The following GTPBP1 variants were observed in gnomAD, a reference collection of about 807,000 sequenced individuals.
GTPBP1 encodes GTP-binding protein 1.
GTPBP1 carries 23 observed loss-of-function variants against 62.0 expected under a neutral mutation model. The ratio of observed to expected loss-of-function variants is 0.37; its 90% CI spans 0.27 to 0.53. The LOEUF (loss-of-function observed/expected upper bound fraction) is 0.53, where lower values mean the gene tolerates loss of function less well. GTPBP1 is among the 20% of genes least tolerant of loss of function. GTPBP1 has a pLI of 0.89. For synonymous variants in GTPBP1, 344 were observed against 364.4 expected (o/e 0.94, Z 0.64); for missense variants, 640 against 917.3 (o/e 0.70, Z 3.90).
rs752276811 is a variant in GTPBP1 at position 38,729,565 on chromosome 22, C to T, written c.1820C>T (p.Pro607Leu). 25 of 1,599,032 alleles carry T rather than the reference C, an allele frequency of 1.6e-5. No homozygotes were observed. Among genetic ancestry groups the T allele is most frequent in the East Asian group, 2.3e-5 (1 of 43,820 alleles). The change falls in exon 11 of 12, where the codon CCG becomes CTG. Residue 607 changes from proline (P) to leucine (L), a missense_variant. Physicochemically the swap from Pro to Leu is moderately conservative, Grantham distance 98 (BLOSUM62 -3). Around this residue, in one of 4 missense-constraint regions of GTPBP1, gnomAD observed 117 missense variants for 107.1 expected, o/e 1.09. Coordinates refer to ENST00000216044, the MANE Select transcript of GTPBP1 (RefSeq NM_004286.5). ...CTGACGAAACGAGACGAGGGGGGCC[C>T]GTCTGGTGGGCCAGCAGTAGGAGCA... ...GPLTKRDEGG[P>L]SGGPAVGAPP...
chr22:38,735,031 A>G, downstream of GTPBP1: 1 of 298,314 alleles, frequency 3.4e-6, no homozygotes, highest in South Asian at 2.7e-5. Flanking sequence ...CAAGAAACTG[A>G]GTATCACCCA....
downstream of GTPBP1, chr22:38,739,378 G>A (rs754873310): frequency 4.0e-5 from 65 of 1,613,026 alleles, no homozygotes; most frequent in South Asian, 3.3e-5. This position sits in a 1 kb window ranked among gnomAD's most constrained non-coding sequence, Gnocchi z 6.7. Flanking sequence ...AGCCCGATGC[G>A]GTCCTCACTG....
intron 2 of GTPBP1, among the ~76,000 whole-genome samples, chr22:38,709,343 T>A (rs1032371167): frequency 2.0e-5 from 3 of 152,200 alleles, no homozygotes; most frequent in Admixed American, 1.3e-4. Flanking sequence ...TTTTGAACTT[T>A]TCTGCTTATG....
At chr22:38,739,810 G>C, downstream of GTPBP1, 4 of 1,613,624 alleles carry the variant, frequency 2.5e-6, no homozygotes, top group Non-Finnish European at 3.4e-6. The surrounding 1 kb of genome is among the most constrained non-coding windows in gnomAD (Gnocchi z 6.7). Context: ...CTGCATCTCT[G>C]CCACATGGGT....
At chr22:38,722,891 T>C in intron 5 of GTPBP1, 1 of 1,294,134 alleles carries the variant, frequency 7.7e-7, no homozygotes, top group South Asian at 1.2e-5. Flanking sequence ...CTTCCACGCT[T>C]CGGCCCACTG....
At chr22:38,729,427 G>C (rs747908948) in intron 10 of GTPBP1, 35 bp from the exon 11 acceptor site, 1 of 1,525,666 alleles carries the variant, frequency 6.6e-7, no homozygotes, top group Non-Finnish European at 8.9e-7. Flanking sequence ...CTGCCCCGCA[G>C]CTCCAGCCTC....
At chr22:38,742,586 AG>A, downstream of GTPBP1, 1 of 1,589,468 alleles carries the variant, frequency 6.3e-7, no homozygotes. Flanking sequence ...CCACGGAGTG[AG>A]GGACCCTTGG....
At chr22:38,710,637 T>G (rs1448278896) in intron 2 of GTPBP1, among the ~76,000 whole-genome samples, 1 of 152,048 alleles carries the variant, frequency 6.6e-6, no homozygotes, top group Non-Finnish European at 1.5e-5. Context: ...AAACATTCCA[T>G]TTGTTGACTA....
downstream of GTPBP1, chr22:38,739,646 G>A (rs2092837101): frequency 6.6e-7 from 1 of 1,516,762 alleles, no homozygotes; most frequent in Non-Finnish European, 9.0e-7. This position sits in a 1 kb window ranked among gnomAD's most constrained non-coding sequence, Gnocchi z 6.7. Context: ...CAGGGAGCTG[G>A]CAGTGTGGGA....
chr22:38,741,131 C>G (rs778372584), downstream of GTPBP1: 12 of 1,484,614 alleles, frequency 8.1e-6, no homozygotes, highest in Admixed American at 3.9e-5. Flanking sequence ...TGTCTGTTAG[C>G]GTCTTTGCTT....
downstream of GTPBP1, chr22:38,738,019 A>T: frequency 1.3e-6 from 1 of 753,010 alleles, no homozygotes; most frequent in Non-Finnish European, 2.4e-6. The surrounding 1 kb of genome is among the most constrained non-coding windows in gnomAD (Gnocchi z 6.6). Context: ...GATGCGTGTT[A>T]CACCCCATTT....
intron 2 of GTPBP1, among the ~76,000 whole-genome samples, chr22:38,709,472 T>C (rs964051628): frequency 6.6e-6 from 1 of 152,200 alleles, no homozygotes; most frequent in African/African-American, 2.4e-5. Context: ...CAAGCAGTTT[T>C]ACAGATGCTT....
intron 1 of GTPBP1, among the ~76,000 whole-genome samples, chr22:38,708,452 T>C (rs1367618046): frequency 6.6e-6 from 1 of 152,092 alleles, no homozygotes; most frequent in Non-Finnish European, 1.5e-5. Context: ...GTATATGAGG[T>C]ATATGTCTTG....
chr22:38,717,502 A>T (rs1448603417), intron 4 of GTPBP1, among the ~76,000 whole-genome samples: 1 of 152,132 alleles, frequency 6.6e-6, no homozygotes, highest in African/African-American at 2.4e-5. Context: ...GCCCTTGTTG[A>T]GAGGCTCCTG....
downstream of GTPBP1, chr22:38,735,386 C>A: frequency 1.4e-5 from 5 of 369,754 alleles, no homozygotes; most frequent in Non-Finnish European, 2.7e-5. Context: ...CCAGGAGTTC[C>A]ATGCTCCCCA....
downstream of GTPBP1, chr22:38,736,091 C>A: frequency 1.5e-6 from 1 of 689,508 alleles, no homozygotes. Context: ...AGCCTGCTAA[C>A]CGCCTCGAGC....
In GTPBP1 at chr22:38,731,036, G is replaced by GTGTGTGTGTGTA. The variant is rs2092756597; in HGVS notation, c.*343_*344insATGTGTGTGTGT. On this transcript the variant is annotated 3_prime_UTR_variant, in exon 12 of 12. Transcript: ENST00000216044. ...TGTGTGTGTGTGTGTGTGTGTGTGT[G>GTGTGTGTGTGTA]TGTGTGTGTGTGTGGTGCAGGAGTG... The GTGTGTGTGTGTA allele has an allele frequency of 8.1e-6, 2 of 246,886 alleles. No homozygotes were observed. Among genetic ancestry groups the GTGTGTGTGTGTA allele is most frequent in the Non-Finnish European group, 1.6e-5 (2 of 127,512 alleles). The allele number at this position is 246,886 out of a possible 1,614,324, so 15.3% of individuals were successfully genotyped here.
downstream of GTPBP1, chr22:38,738,910 AG>A: frequency 6.2e-7 from 1 of 1,611,758 alleles, no homozygotes. The surrounding 1 kb of genome is among the most constrained non-coding windows in gnomAD (Gnocchi z 6.6). Context: ...GTGGTACCAC[AG>A]GGGGATGCCG....
chr22:38,742,798 C>T (rs930255253), downstream of GTPBP1: 4 of 508,492 alleles, frequency 7.9e-6, no homozygotes, highest in East Asian at 3.4e-5. Context: ...GACACAGTAC[C>T]GAAGTCTGAT....
Sources: gnomAD v4.1 joint callset for allele counts (sites outside exome capture counted in the v4.1 genomes callset) on GRCh38, gnomAD v4.1.1 for gene constraint, gnomAD v4.1.1 regional missense constraint, Gnocchi (gnomAD v3.1) non-coding constraint, MANE v1.5 for transcripts, NCBI Gene and HGNC (gene_info 2026-07-23, HGNC 2026-07-21) for gene names.